ARHGAP35: variants seen among roughly 807,000 people sequenced by gnomAD.
ARHGAP35 encodes rho GTPase-activating protein 35.
Under a neutral mutation model 111.1 loss-of-function variants are expected in ARHGAP35, and 15 were observed. The ratio of observed to expected loss-of-function variants is 0.13; its 90% confidence interval spans 0.09 to 0.21. The LOEUF (loss-of-function observed/expected upper bound fraction) is 0.21, where lower values mean the gene tolerates loss of function less well. Among genes scored for constraint, ARHGAP35 ranks in the 10% least tolerant of loss-of-function variants. The pLI, the probability that ARHGAP35 is intolerant of heterozygous loss-of-function variation, is 1.00. For missense variants in ARHGAP35, 1,262 were observed against 1,873.0 expected (o/e 0.67, Z 6.02); for synonymous variants, 643 against 710.3 (o/e 0.91, Z 1.51).
chr19:46,891,014 C>T (rs2056021034), intron 1 of ARHGAP35, among the ~76,000 whole-genome samples: 1 of 152,138 alleles, frequency 6.6e-6, no homozygotes, highest in South Asian at 2.1e-4. Context: ...TGGTAATAAG[C>T]TTCCCTCTGG....
At chr19:46,928,342 C>G (rs1359495491) in intron 2 of ARHGAP35, among the ~76,000 whole-genome samples, 1 of 152,164 alleles carries the variant, frequency 6.6e-6, no homozygotes, top group African/African-American at 2.4e-5. Context: ...ACTGAAATAC[C>G]TTTGTAGGGA....
Position 47,000,506 on chromosome 19 carries a change from C to T in ARHGAP35, c.4318C>T (p.Pro1440Ser). ...QQCPFFFYNR[P>S]ITEPPGARPS... ...GTGCCCCTTCTTCTTCTACAATCGGCCCATCACCGAGCCCCCCGGCGCCAG... is the reference window on the plus strand; with the variant it reads ...GTGCCCCTTCTTCTTCTACAATCGGTCCATCACCGAGCCCCCCGGCGCCAG... The change falls in exon 7 of 7, where the codon CCC (proline) becomes TCC (serine). Residue 1440 changes from proline (P) to serine (S), a missense_variant. Physicochemically the swap from Pro to Ser is moderately conservative, Grantham distance 74. Transcript: ENST00000672722. The surrounding 1 kb of genome is among the most constrained non-coding windows in gnomAD (Gnocchi z 6.9). 6.2e-7 allele frequency: 1 copy of T among 1,613,716 alleles called. No homozygotes were observed. The highest frequency in any genetic ancestry group is 8.5e-7 in the Non-Finnish European group (1 of 1,179,864).
At chr19:46,911,725 C>T (rs1412279472) in intron 1 of ARHGAP35, among the ~76,000 whole-genome samples, 2 of 152,180 alleles carry the variant, frequency 1.3e-5, no homozygotes, top group Admixed American at 6.5e-5. Context: ...AAAATGCCCT[C>T]TATGTCTCAC....
chr19:46,874,388 T>C (rs924172868), intron 1 of ARHGAP35, among the ~76,000 whole-genome samples: 1 of 152,188 alleles, frequency 6.6e-6, no homozygotes, highest in Non-Finnish European at 1.5e-5. Context: ...TAAAGAATTA[T>C]GTGTGACTAA....
At chr19:46,940,339 A>C (rs984707121) in intron 3 of ARHGAP35, among the ~76,000 whole-genome samples, 12 of 147,274 alleles carry the variant, frequency 8.1e-5, no homozygotes, top group African/African-American at 2.8e-4. Flanking sequence ...AGCCTGGCCA[A>C]CAAGAGCAAA....
chr19:46,865,740 C>T (rs1419626047), intron 1 of ARHGAP35, among the ~76,000 whole-genome samples: 1 of 152,242 alleles, frequency 6.6e-6, no homozygotes, highest in East Asian at 1.9e-4. Flanking sequence ...CCACTGTGGT[C>T]TCCTGAGAGG....
At chr19:46,902,810 C>T (rs1360773567) in intron 1 of ARHGAP35, among the ~76,000 whole-genome samples, 1 of 152,126 alleles carries the variant, frequency 6.6e-6, no homozygotes, top group Non-Finnish European at 1.5e-5. Context: ...TATCACAAAA[C>T]TCCCCCCAAC....
At chr19:46,863,648 TC>T (rs574401580) in intron 1 of ARHGAP35, among the ~76,000 whole-genome samples, 23 of 150,802 alleles carry the variant, frequency 1.5e-4, no homozygotes, top group Admixed American at 9.3e-4. Context: ...GTCCTTCCCT[TC>T]CCCCCCGCCT....
Position 46,989,013 on chromosome 19 carries a change from T to A in ARHGAP35, c.3905-531T>A, listed in dbSNP as rs1267850157. 6.2e-6 allele frequency: 1 copy of A among 161,164 alleles called. No homozygotes were observed. Among genetic ancestry groups the A allele is most frequent in the African/African-American group, 2.4e-5 (1 of 41,664 alleles). The allele number at this position is 161,164 out of a possible 1,614,324, so 10.0% of individuals were successfully genotyped here. The stretch of plus-strand genomic sequence containing the variant: ...GTCATCAGGAACGCACTGAAGTATG[T>A]ATGCAATGAGAAGGAAAGCATGACA... On this transcript the variant is annotated intron_variant, in intron 4 of 6. Coordinates refer to ENST00000672722, the MANE Select transcript of ARHGAP35 (RefSeq NM_004491.5). The surrounding 1 kb of genome is among the most constrained non-coding windows in gnomAD (Gnocchi z 5.3).
intron 2 of ARHGAP35, among the ~76,000 whole-genome samples, chr19:46,928,616 T>C (rs11883269): frequency 1.3e-5 from 2 of 152,038 alleles, no homozygotes; most frequent in Non-Finnish European, 2.9e-5. Flanking sequence ...GTCACCAGAC[T>C]TCATGCCTTA....
intron 1 of ARHGAP35, among the ~76,000 whole-genome samples, chr19:46,866,348 C>T (rs1415358826): frequency 1.3e-5 from 2 of 152,194 alleles, no homozygotes; most frequent in Non-Finnish European, 2.9e-5. Flanking sequence ...GTCTAGCCTC[C>T]TCATTTACAG....
chr19:46,864,708 T>C (rs2055846210), intron 1 of ARHGAP35, among the ~76,000 whole-genome samples: 1 of 152,242 alleles, frequency 6.6e-6, no homozygotes, highest in Admixed American at 6.5e-5. Context: ...ATTTTAATAA[T>C]CTATGTATGG....
In ARHGAP35 at chr19:46,981,290, A is replaced by G. The variant is rs565818511; in HGVS notation, c.3827-6699A>G. Among the ~76,000 whole-genome samples the G allele has an allele frequency of 8.5e-5, 13 of 152,374 alleles. No homozygotes were observed. The South Asian group carries it at 2.1e-3, about 24-fold the overall frequency. On this transcript the variant is annotated intron_variant, in intron 3 of 6. Transcript: ENST00000672722. ...CTTCCAGACTCCAGAAAAGTCGACAAAAGTTGTTAGTTAAGTCCTGCCTGG... is the reference window on the plus strand; with the variant it reads ...CTTCCAGACTCCAGAAAAGTCGACAGAAGTTGTTAGTTAAGTCCTGCCTGG...
chr19:46,996,537 T>C (rs889921911), intron 5 of ARHGAP35, among the ~76,000 whole-genome samples: 4 of 152,220 alleles, frequency 2.6e-5, no homozygotes, highest in South Asian at 2.1e-4. Flanking sequence ...ACCTAGGCTT[T>C]GCCAGCCCCG....
chr19:46,934,372 C>T (rs1050479760), intron 2 of ARHGAP35, among the ~76,000 whole-genome samples: 2 of 152,178 alleles, frequency 1.3e-5, no homozygotes, highest in Admixed American at 6.5e-5. Context: ...TTCCCCACCC[C>T]GCCCCTCCTC....
intron 5 of ARHGAP35, among the ~76,000 whole-genome samples, chr19:46,998,557 TC>T (rs2056728499): frequency 6.6e-6 from 1 of 152,212 alleles, no homozygotes; most frequent in Admixed American, 6.5e-5. Flanking sequence ...CAGTCCCAGC[TC>T]TGCAACTTCT....
intron 1 of ARHGAP35, among the ~76,000 whole-genome samples, chr19:46,873,636 C>CA (rs370925647): frequency 0.55 from 72,209 of 131,628 alleles, 18,826 homozygotes; most frequent in Middle Eastern, 0.71. Context: ...GACTCTTTCT[C>CA]AAAAAAAAAA....
chr19:46,907,295 C>T (rs1308807039), intron 1 of ARHGAP35, among the ~76,000 whole-genome samples: 2 of 151,434 alleles, frequency 1.3e-5, no homozygotes, highest in Non-Finnish European at 2.9e-5. Context: ...TACAGGCGCC[C>T]GCCACCACGC....
intron 3 of ARHGAP35, among the ~76,000 whole-genome samples, chr19:46,982,910 T>C (rs2056628337): frequency 1.3e-5 from 2 of 151,274 alleles, no homozygotes; most frequent in African/African-American, 4.9e-5. Context: ...ATTAGCCAGG[T>C]GTGGTGGTGC....
Sources: allele counts gnomAD v4.1 joint callset (sites outside exome capture counted in the v4.1 genomes callset), GRCh38; gene constraint gnomAD v4.1.1; non-coding constraint Gnocchi (gnomAD v3.1); transcripts MANE v1.5; gene names NCBI Gene and HGNC (gene_info 2026-07-23, HGNC 2026-07-21).